The following RBMS3 variants were observed in gnomAD, a reference collection of about 807,000 sequenced individuals.
The protein encoded by RBMS3 is RNA binding motif single stranded interacting protein 3.
A neutral mutation model predicts 66.8 loss-of-function variants in RBMS3; 27 were observed. The ratio of observed to expected loss-of-function variants is 0.40; its 90% CI spans 0.30 to 0.56. RBMS3 has a LOEUF of 0.56. RBMS3 is among the 20% of genes least tolerant of loss of function. The probability of loss-of-function intolerance (pLI) is 0.40; values close to 1 mark genes in which losing one functional copy is unlikely to be tolerated. For missense variants in RBMS3, 513 were observed against 549.5 expected (o/e 0.93, Z 0.66); for synonymous variants, 188 against 183.0 (o/e 1.03, Z -0.22).
intron 4 of RBMS3, among the ~76,000 whole-genome samples, chr3:29,648,800 G>A (rs1334366243): frequency 1.3e-5 from 2 of 151,774 alleles, no homozygotes; most frequent in African/African-American, 4.8e-5. Context: ...TAACAAACTT[G>A]AAAAAGTCTC....
chr3:29,897,143 A>G (rs554846687), intron 8 of RBMS3, among the ~76,000 whole-genome samples: 14 of 151,592 alleles, frequency 9.2e-5, no homozygotes, highest in Non-Finnish European at 1.6e-4. Flanking sequence ...CTTATCTGGC[A>G]TAAGAAAGAT....
rs2053026742 is a variant in RBMS3, at chr3:29,708,821, A to G, written c.400-30899A>G. ...TGTGACACTGACATGCCATCCACAC[A>G]TCCCTTCAGTGAAGAACTTGTTGTC... is the stretch of plus-strand genomic sequence containing the variant. On this transcript the variant is annotated intron_variant, in intron 4 of 14. Coordinates refer to ENST00000383767, the MANE Select transcript of RBMS3 (RefSeq NM_001003793.3). Among the ~76,000 whole-genome samples the G allele has an allele frequency of 3.3e-5, 5 of 152,198 alleles. No homozygotes were observed. The South Asian group carries it at 1.0e-3, about 32-fold the overall frequency.
chr3:29,991,084 T>C lies in RBMS3; in HGVS notation c.1182T>C (p.Gly394=). 1 of 1,614,022 alleles carries C rather than the reference T, an allele frequency of 6.2e-7. No homozygotes were observed. Among genetic ancestry groups the C allele is most frequent in the Non-Finnish European group, 8.5e-7 (1 of 1,179,960 alleles). The change falls in exon 14 of 15, where the codon GGT becomes GGC. Residue 394 remains glycine (G), a splice_region_variant and synonymous_variant. Coordinates refer to ENST00000383767, the MANE Select transcript of RBMS3 (RefSeq NM_001003793.3). ...TATGTTCTTATTTGCCTCCTTAGGG[T>C]GTTGTTGCTGATACCTCTCCCCAGA... ...PVPPTAVSIE[G]VVADTSPQTV...
At chr3:29,492,147 G>A (rs563949344) in intron 3 of RBMS3, among the ~76,000 whole-genome samples, 95 of 152,328 alleles carry the variant, frequency 6.2e-4, no homozygotes, top group Non-Finnish European at 1.1e-3. Flanking sequence ...GCAGTGGTGA[G>A]TGAATCACAA....
intron 3 of RBMS3, among the ~76,000 whole-genome samples, chr3:29,546,514 G>A (rs2149023236): frequency 6.6e-6 from 1 of 152,218 alleles, no homozygotes; most frequent in South Asian, 2.1e-4. Context: ...CTGCTTATAT[G>A]CACCTAAAAC....
chr3:29,415,006 A>T (rs368857292), intron 1 of RBMS3, among the ~76,000 whole-genome samples: 35 of 152,346 alleles, frequency 2.3e-4, no homozygotes, highest in African/African-American at 7.9e-4. Flanking sequence ...TAAAATGAGG[A>T]TATGGCTGAT....
intron 3 of RBMS3, among the ~76,000 whole-genome samples, chr3:29,520,514 C>A (rs776015853): frequency 4.6e-5 from 7 of 151,916 alleles, no homozygotes; most frequent in Non-Finnish European, 7.4e-5. Context: ...AAATATACAC[C>A]AACAGCATAG....
At chr3:29,715,441 C>T (rs951907895) in intron 4 of RBMS3, among the ~76,000 whole-genome samples, 4 of 152,108 alleles carry the variant, frequency 2.6e-5, no homozygotes, top group African/African-American at 4.8e-5. Context: ...TTTTTTATAA[C>T]TTGAACTTTT....
chr3:29,579,212 G>A (rs1210492882), intron 3 of RBMS3, among the ~76,000 whole-genome samples: 1 of 152,136 alleles, frequency 6.6e-6, no homozygotes, highest in Non-Finnish European at 1.5e-5. Context: ...TATTATAATG[G>A]TCTATCCTCT....
chr3:29,649,284 A>G (rs1263827696), intron 4 of RBMS3, among the ~76,000 whole-genome samples: 3 of 152,160 alleles, frequency 2.0e-5, no homozygotes, highest in African/African-American at 7.2e-5. Flanking sequence ...TCCCTTAAGA[A>G]TCCATGGAAT....
In RBMS3 at chr3:29,991,073, C is replaced by A; in HGVS notation, c.1180-9C>A. On this transcript the variant is annotated splice_polypyrimidine_tract_variant and intron_variant, in intron 13 of 14. Transcript: ENST00000383767. ...AGTAAGGCTTTTATGTTCTTATTTG[C>A]CTCCTTAGGGTGTTGTTGCTGATAC... 1 of 1,613,776 alleles carries A rather than the reference C, an allele frequency of 6.2e-7. No homozygotes were observed. Among genetic ancestry groups the A allele is most frequent in the Non-Finnish European group, 8.5e-7 (1 of 1,179,788 alleles).
rs1401015115 is a variant in RBMS3, at chr3:29,348,113, A to G, written c.75+66357A>G. 2.0e-5 allele frequency among the ~76,000 whole-genome samples: 3 copies of G among 152,186 alleles called. No individual in the cohort carries two copies. The East Asian group carries it at 5.8e-4, about 29-fold the overall frequency. On this transcript the variant is annotated intron_variant, in intron 1 of 14. Coordinates refer to ENST00000383767, the MANE Select transcript of RBMS3 (RefSeq NM_001003793.3). ...CTGCCTTGTCATTTAAGTAAATGAC[A>G]AGTAAACAACACATGAGTTTTCCGG...
At chr3:29,990,581 ACAAAT>A (rs1698790181) in intron 13 of RBMS3, among the ~76,000 whole-genome samples, 1 of 152,194 alleles carries the variant, frequency 6.6e-6, no homozygotes, top group African/African-American at 2.4e-5. Context: ...AGAAAACAAA[ACAAAT>A]CAAATCAAAT....
At chr3:29,587,745 G>A (rs943698666) in intron 4 of RBMS3, among the ~76,000 whole-genome samples, 3 of 151,876 alleles carry the variant, frequency 2.0e-5, no homozygotes, top group Non-Finnish European at 2.9e-5. Flanking sequence ...GAAGTGTACC[G>A]TGTCTGTACT....
chr3:29,553,011 T>C (rs1316292852), intron 3 of RBMS3, among the ~76,000 whole-genome samples: 1 of 152,178 alleles, frequency 6.6e-6, no homozygotes, highest in Non-Finnish European at 1.5e-5. Flanking sequence ...GTTTGCAACC[T>C]GCGAATAGGC....
chr3:29,426,020 T>G (rs1268717158), intron 1 of RBMS3, among the ~76,000 whole-genome samples: 2 of 152,220 alleles, frequency 1.3e-5, no homozygotes, highest in African/African-American at 4.8e-5. Context: ...TAGCTAACAC[T>G]GTAATCTCCA....
intron 14 of RBMS3, 89 bp from the exon 15 acceptor site, chr3:30,003,767 T>C: frequency 2.1e-6 from 2 of 946,410 alleles, no homozygotes; most frequent in Non-Finnish European, 2.9e-6. Context: ...CTTGGTATCT[T>C]TTAAAGCTGC....
chr3:29,400,083 G>A (rs894539605), intron 1 of RBMS3, among the ~76,000 whole-genome samples: 1 of 152,064 alleles, frequency 6.6e-6, no homozygotes, highest in African/African-American at 2.4e-5. Flanking sequence ...GGCTAGAGCA[G>A]TAATAAATTT....
intron 6 of RBMS3, among the ~76,000 whole-genome samples, chr3:29,775,225 G>T (rs930259833): frequency 6.6e-6 from 1 of 150,500 alleles, no homozygotes. Flanking sequence ...TCAATTAAAT[G>T]AGTTCTACCA....
Sources: gnomAD v4.1 joint callset for allele counts (sites outside exome capture counted in the v4.1 genomes callset) on GRCh38, gnomAD v4.1.1 for gene constraint, MANE v1.5 for transcripts, NCBI Gene and HGNC (gene_info 2026-07-23, HGNC 2026-07-21) for gene names.